Variants in C12orf42 observed in about 807,000 individuals in gnomAD.
C12orf42 encodes uncharacterized protein C12orf42.
A neutral mutation model predicts 21.6 loss-of-function variants in C12orf42; 25 were observed. That is an observed-to-expected ratio of 1.16 (90% confidence interval 0.84 to 1.62). The LOEUF (loss-of-function observed/expected upper bound fraction) is 1.62. Ranked by LOEUF, C12orf42 falls within the 40% of genes most tolerant of loss-of-function variation. The pLI is 0.00. For synonymous variants in C12orf42, 174 were observed against 175.0 expected (o/e 0.99, Z 0.05); for missense variants, 483 against 459.3 (o/e 1.05, Z -0.47).
chr12:103,087,369 C>T, the C12orf42 span, among the ~76,000 whole-genome samples: 1 of 152,186 alleles, frequency 6.6e-6, no homozygotes, highest in Admixed American at 6.5e-5. Context: ...ATATAACCAT[C>T]CTGACTCATA....
At chr12:103,069,235 G>A in the C12orf42 span, among the ~76,000 whole-genome samples, 12 of 149,320 alleles carry the variant, frequency 8.0e-5, no homozygotes, top group Non-Finnish European at 1.6e-4. Flanking sequence ...TGTAGATTCT[G>A]ATTCTCTTTT....
chr12:103,192,089 C>A, the C12orf42 span, among the ~76,000 whole-genome samples: 1 of 151,818 alleles, frequency 6.6e-6, no homozygotes, highest in African/African-American at 2.4e-5. Context: ...CACAAACAGA[C>A]AAAAACAACA....
At chr12:103,356,108 C>A (rs1338803546) in intron 4 of C12orf42, among the ~76,000 whole-genome samples, 4 of 152,058 alleles carry the variant, frequency 2.6e-5, no homozygotes, top group Non-Finnish European at 1.5e-5. Context: ...GCGCTTCTAA[C>A]CACAATGCCT....
chr12:103,363,035 G>C (rs1186934262), intron 4 of C12orf42, among the ~76,000 whole-genome samples: 1 of 151,996 alleles, frequency 6.6e-6, no homozygotes, highest in Non-Finnish European at 1.5e-5. Flanking sequence ...CATCACCTAG[G>C]CACATTGTCA....
chr12:103,413,618 T>C (rs2049040242), intron 2 of C12orf42, among the ~76,000 whole-genome samples: 1 of 152,098 alleles, frequency 6.6e-6, no homozygotes, highest in Non-Finnish European at 1.5e-5. Flanking sequence ...TGTAGTCTTT[T>C]ATCCCTCACC....
chr12:103,066,983 T>C, the C12orf42 span, among the ~76,000 whole-genome samples: 6 of 152,282 alleles, frequency 3.9e-5, no homozygotes, highest in East Asian at 1.2e-3. Context: ...AGGTTTCACA[T>C]GGGCTCAGCA....
At chr12:103,327,006 A>T in intron 4 of C12orf42, among the ~76,000 whole-genome samples, 1 of 152,214 alleles carries the variant, frequency 6.6e-6, no homozygotes, top group East Asian at 1.9e-4. Flanking sequence ...GAGTTTCAAA[A>T]TTTGGAACAT....
intron 10 of C12orf42, among the ~76,000 whole-genome samples, chr12:103,259,383 A>G (rs748886370): frequency 6.6e-6 from 1 of 152,096 alleles, no homozygotes; most frequent in African/African-American, 2.4e-5. Flanking sequence ...GGTTGAAGCA[A>G]TTCTCCTGCC....
At chr12:103,229,416 G>C in the C12orf42 span, among the ~76,000 whole-genome samples, 2 of 152,222 alleles carry the variant, frequency 1.3e-5, no homozygotes, top group Non-Finnish European at 2.9e-5. Flanking sequence ...AAGCAAGGCA[G>C]TGGTTGTGTT....
At chr12:103,349,201 C>A (rs2042891236) in intron 4 of C12orf42, 1 of 152,138 alleles carries the variant, frequency 6.6e-6, no homozygotes, top group South Asian at 2.1e-4. Flanking sequence ...GAATGTGAGG[C>A]CATCTTGAGA....
At chr12:103,230,334 A>G in the C12orf42 span, among the ~76,000 whole-genome samples, 1 of 152,170 alleles carries the variant, frequency 6.6e-6, no homozygotes. Flanking sequence ...GGAGTCATAA[A>G]ATGTTCCTTC....
chr12:103,277,157 G>A (rs950452625), exon 5 of C12orf42: 1 of 455,280 alleles, frequency 2.2e-6, no homozygotes, highest in Non-Finnish European at 4.4e-6. Context: ...CACTCTTCAA[G>A]GTGAAGAACC....
At chr12:103,086,017 A>G in the C12orf42 span, among the ~76,000 whole-genome samples, 5 of 152,304 alleles carry the variant, frequency 3.3e-5, no homozygotes, top group Admixed American at 3.3e-4. Flanking sequence ...CGGAGCTCCA[A>G]TACCTCAGAG....
At chr12:103,368,406 T>C (rs777570277) in intron 4 of C12orf42, among the ~76,000 whole-genome samples, 8 of 151,792 alleles carry the variant, frequency 5.3e-5, no homozygotes, top group Non-Finnish European at 4.4e-5. Flanking sequence ...GCCACACAAG[T>C]AGCAAATGTT....
At chr12:103,387,373 C>T (rs1157716617) in intron 3 of C12orf42, among the ~76,000 whole-genome samples, 3 of 152,226 alleles carry the variant, frequency 2.0e-5, no homozygotes, top group Non-Finnish European at 4.4e-5. Context: ...AGTTACCACC[C>T]TACACACACA....
the C12orf42 span, among the ~76,000 whole-genome samples, chr12:103,154,346 A>T: frequency 1.3e-5 from 2 of 152,184 alleles, no homozygotes; most frequent in Non-Finnish European, 2.9e-5. Context: ...TACTTTAATA[A>T]AAAGTAAAAC....
At chr12:103,463,625 G>T (rs1952891672) in intron 2 of C12orf42, among the ~76,000 whole-genome samples, 1 of 152,070 alleles carries the variant, frequency 6.6e-6, no homozygotes, top group Non-Finnish European at 1.5e-5. Context: ...GGATACATGT[G>T]CAGGACATGC....
chr12:103,503,306 T>A, the C12orf42 span: 1 of 152,236 alleles, frequency 6.6e-6, no homozygotes, highest in Non-Finnish European at 1.5e-5. Context: ...GGGCCATGGC[T>A]GGGAGCGGCT....
intron 5 of C12orf42, chr12:103,270,353 GAAGGAAGGAAGA>G (rs1225257478): frequency 7.3e-6 from 1 of 136,222 alleles, no homozygotes. Flanking sequence ...AGTAAGGAGG[GAAGGAAGGAAGA>G]AAGGAAGGAA....
Sources: gnomAD v4.1 joint callset for allele counts (sites outside exome capture counted in the v4.1 genomes callset) on GRCh38, gnomAD v4.1.1 for gene constraint, MANE v1.5 for transcripts, NCBI Gene and HGNC (gene_info 2026-07-23, HGNC 2026-07-21) for gene names.